Variants in PLCB2 observed in about 807,000 individuals in gnomAD.
The protein encoded by PLCB2 is 1-phosphatidylinositol 4,5-bisphosphate phosphodiesterase beta-2.
Under a neutral mutation model 141.7 loss-of-function variants are expected in PLCB2, and 115 were observed. The observed-to-expected ratio is 0.81, with a 90% confidence interval of 0.70 to 0.95. The LOEUF (loss-of-function observed/expected upper bound fraction) is 0.95. PLCB2 is among the 40% of genes least tolerant of loss of function. The pLI, the probability that PLCB2 is intolerant of heterozygous loss-of-function variation, is 0.00. For missense variants in PLCB2, 1,403 were observed against 1,541.1 expected (o/e 0.91, Z 1.50); for synonymous variants, 603 against 595.6 (o/e 1.01, Z -0.18).
rs1036119882 is a variant in PLCB2 at position 40,306,084 on chromosome 15, G to A, written c.84+1505C>T. 2.7e-5 allele frequency among the ~76,000 whole-genome samples: 4 copies of A among 149,558 alleles called. No individual in the cohort carries two copies. In the South Asian group the frequency reaches 6.8e-4, roughly 25 times the overall value. ...CTTGCAGAGTTTCTTTCCATGGCCA[G>A]GGGGAGAGCTTCTCCTACCAAATAT... On this transcript the variant is annotated intron_variant, in intron 1 of 31. Transcript: ENST00000260402.
At position 40,295,003 on chromosome 15, in the gene PLCB2, G is replaced by A; in HGVS notation, c.1839C>T (p.Ser613=). The change falls in exon 18 of 32, where the codon TCC becomes TCT. Residue 613 remains serine, a synonymous_variant. Coordinates refer to ENST00000260402, the MANE Select transcript of PLCB2 (RefSeq NM_004573.3). ...IYPKGTRMDS[S]NYMPQMFWNA... ...TCCAGAACATCTGGGGCATGTAGTT[G>A]GAGGAGTCCATGCGGGTTCCCTTGG... 2 of 1,614,034 alleles carry A rather than the reference G, an allele frequency of 1.2e-6. No homozygotes were observed. The highest frequency in any genetic ancestry group is 1.7e-6 in the Non-Finnish European group (2 of 1,179,934).
chr15:40,289,654 C>T, intron 30 of PLCB2: 1 of 518,994 alleles, frequency 1.9e-6, no homozygotes. Flanking sequence ...GTCCATTATT[C>T]CTTGGCACCT....
chr15:40,306,781 C>G (rs2040817759), intron 1 of PLCB2, among the ~76,000 whole-genome samples: 1 of 152,240 alleles, frequency 6.6e-6, no homozygotes, highest in Non-Finnish European at 1.5e-5. Context: ...GCCCAGCACT[C>G]TAACTCTCAG....
intron 31 of PLCB2, 159 bp from the exon 32 acceptor site, chr15:40,289,077 A>T: frequency 1.7e-6 from 2 of 1,188,382 alleles, no homozygotes; most frequent in Non-Finnish European, 2.3e-6. Context: ...GCCCATCAGG[A>T]GCCTCTCAGG....
Position 40,307,720 on chromosome 15 carries a change from A to G in PLCB2, c.-48T>C. ...AGAATCTCAGCAGACACAGGCAGGC[A>G]GAAGGGCAGGAAGGAGGCCAGCCAG... On this transcript the variant is annotated 5_prime_UTR_variant, in exon 1 of 32. Transcript: ENST00000260402. 6.6e-7 allele frequency: 1 copy of G among 1,513,102 alleles called. No homozygotes were observed. The highest frequency in any genetic ancestry group is 8.9e-7 in the Non-Finnish European group (1 of 1,118,358). 93.7% of individuals were successfully genotyped at this position (1,513,102 alleles called of 1,614,324 possible). A position where few individuals can be genotyped will look rare whatever the true frequency, so the allele number is the denominator to read the frequency against.
At chr15:40,286,051 A>T (rs1265011248), downstream of PLCB2, 15 of 985,184 alleles carry the variant, frequency 1.5e-5, no homozygotes, top group Non-Finnish European at 1.8e-5. Context: ...CTTTGCTCTG[A>T]CTTCTCTATG....
Position 40,297,861 on chromosome 15 carries a change from G to GGGC in PLCB2, c.1238+13_1238+15dup. On this transcript the variant is annotated intron_variant, in intron 12 of 31. Transcript: ENST00000260402. This position sits in a 1 kb window ranked among gnomAD's most constrained non-coding sequence, Gnocchi z 4.2. ...GGGCTGGGTGAGAATGTGGCTGAAT[G>GGGC]GGCCTGGATACGCACGAGTCCACAT... 6.2e-7 allele frequency: 1 copy of GGGC among 1,602,716 alleles called. No individual in the cohort carries two copies. Among genetic ancestry groups the GGGC allele is most frequent in the Non-Finnish European group, 8.5e-7 (1 of 1,169,872 alleles).
At chr15:40,292,882 C>T in intron 21 of PLCB2, 44 bp downstream of exon 21, 1 of 1,306,066 alleles carries the variant, frequency 7.7e-7, no homozygotes, top group African/African-American at 1.5e-5. Context: ...TGTGCACAGG[C>T]TCCTGCTGCT....
Position 40,290,053 on chromosome 15 carries a change from A to T in PLCB2, c.3239T>A (p.Ile1080Asn), listed in dbSNP as rs2039803419. 2 of 1,609,744 alleles carry T rather than the reference A, an allele frequency of 1.2e-6. No individual in the cohort carries two copies. Among genetic ancestry groups the T allele is most frequent in the South Asian group, 1.1e-5 (1 of 90,976 alleles). The change falls in exon 30 of 32, where the codon ATC becomes AAC. Residue 1080 changes from isoleucine to asparagine, a missense_variant. Coordinates refer to ENST00000260402, the MANE Select transcript of PLCB2 (RefSeq NM_004573.3). Reference sequence around the variant, plus strand: ...CTTGATCACCTGCACTACTTCCTGGATGTGGGAGTTGTTAATCTCTCTCTT... The same window carrying T: ...CTTGATCACCTGCACTACTTCCTGGTTGTGGGAGTTGTTAATCTCTCTCTT... ...RLKREINNSH[I>N]QEVVQVIKQM... is the part of the protein sequence containing the mutation.
At chr15:40,291,975 G>A (rs1323423059) in intron 23 of PLCB2, 51 bp from the exon 24 acceptor site, 106 of 1,606,766 alleles carry the variant, frequency 6.6e-5, no homozygotes, top group Non-Finnish European at 8.8e-5. Flanking sequence ...CTCTCTCCCC[G>A]AGCCTGGGAC....
In PLCB2 at chr15:40,298,656, G is replaced by T. The variant is rs753461920; in HGVS notation, c.903C>A (p.Ser301Arg). 1.9e-6 allele frequency: 3 copies of T among 1,614,106 alleles called. No individual in the cohort carries two copies. The highest frequency in any genetic ancestry group is 2.5e-6 in the Non-Finnish European group (3 of 1,179,956). The change falls in exon 10 of 32, where the codon AGC becomes AGA. Residue 301 changes from serine to arginine, a missense_variant. Ser to Arg is a moderately radical substitution (Grantham distance 110). Coordinates refer to ENST00000260402, the MANE Select transcript of PLCB2 (RefSeq NM_004573.3). ...GCAGCAGCTTGTCCTGGGCCAGCACGCTGTTCTCTGGCCCACAGAGAAACC... is the reference window on the plus strand; with the variant it reads ...GCAGCAGCTTGTCCTGGGCCAGCACTCTGTTCTCTGGCCCACAGAGAAACC... Reference protein sequence around the residue: ...MVWFLCGPENSVLAQDKLLLH... With the variant: ...MVWFLCGPENRVLAQDKLLLH...
At chr15:40,287,037 C>A (rs1286239310), downstream of PLCB2, among the ~76,000 whole-genome samples, 1 of 152,230 alleles carries the variant, frequency 6.6e-6, no homozygotes, top group African/African-American at 2.4e-5. Context: ...CTTACGTGCA[C>A]ATGCCTGGGT....
Position 40,292,361 on chromosome 15 carries a change from G to A in PLCB2, c.2409C>T (p.Asp803=). The A allele has an allele frequency of 1.2e-6, 2 of 1,613,142 alleles. No individual in the cohort carries two copies. Among genetic ancestry groups the A allele is most frequent in the Non-Finnish European group, 8.5e-7 (1 of 1,179,260 alleles). ...PALFIFLEMK[D]YIPGAWADLT... is the part of the protein sequence containing the mutation. The stretch of plus-strand genomic sequence containing the variant: ...TACCTGCCCAAGCACCAGGTATGTA[G>A]TCCTTCATCTCCAGGAAGATGAAGA... Residue 803 remains aspartate (D), a synonymous_variant, in exon 22 of 32, where the codon GAC becomes GAT. Coordinates refer to ENST00000260402, the MANE Select transcript of PLCB2 (RefSeq NM_004573.3).
At chr15:40,302,833 G>C (rs868768874) in intron 3 of PLCB2, among the ~76,000 whole-genome samples, 1 of 152,216 alleles carries the variant, frequency 6.6e-6, no homozygotes, top group Non-Finnish European at 1.5e-5. Flanking sequence ...GCGGGCAGGC[G>C]GGGAGGCCGG....
In PLCB2 at chr15:40,297,416, G is replaced by A; in HGVS notation, c.1323+105C>T. The A allele has an allele frequency of 1.2e-6, 1 of 863,070 alleles. No homozygotes were observed. 53.5% of individuals were successfully genotyped at this position (863,070 alleles called of 1,614,324 possible). A position where few individuals can be genotyped will look rare whatever the true frequency, so the allele number is the denominator to read the frequency against. On this transcript the variant is annotated intron_variant, in intron 13 of 31. Coordinates refer to ENST00000260402, the MANE Select transcript of PLCB2 (RefSeq NM_004573.3). This position sits in a 1 kb window ranked among gnomAD's most constrained non-coding sequence, Gnocchi z 4.2. Reference sequence around the variant, plus strand: ...ATCCCAGACCCGCATCTAACCAAGTGAACCCTAGCATCCTCTGGGAGTGTC... The same window carrying A: ...ATCCCAGACCCGCATCTAACCAAGTAAACCCTAGCATCCTCTGGGAGTGTC...
chr15:40,293,506 T>C (rs2040040316), intron 20 of PLCB2, 54 bp downstream of exon 20: 2 of 1,553,918 alleles, frequency 1.3e-6, no homozygotes, highest in African/African-American at 1.4e-5. Context: ...CTCTTGTCTG[T>C]AAGTAGAGGC....
Position 40,302,292 on chromosome 15 carries a change from G to C in PLCB2, c.430C>G (p.Arg144Gly). ...VKHPLTANAS[R>G]STFLDKILVK... The stretch of plus-strand genomic sequence containing the variant: ...TACATCTTGTCCAGGAAGGTGCTGC[G>C]GGAGGCGTTGGCCGTCAGCGGATGT... Residue 144 changes from arginine (R) to glycine (G), a missense_variant, in exon 5 of 32, where the codon CGC (arginine) becomes GGC (glycine). By Grantham distance (125) the Arg-to-Gly change is moderately radical. This residue lies in a region of PLCB2 where 975 missense variants were observed against 1,141.1 expected (regional missense o/e 0.85). Coordinates refer to ENST00000260402, the MANE Select transcript of PLCB2 (RefSeq NM_004573.3). 1 of 1,614,138 alleles carries C rather than the reference G, an allele frequency of 6.2e-7. No individual in the cohort carries two copies. Among genetic ancestry groups the C allele is most frequent in the East Asian group, 2.2e-5 (1 of 44,870 alleles).
chr15:40,302,987 G>T (rs2040598460), intron 3 of PLCB2, among the ~76,000 whole-genome samples: 1 of 152,180 alleles, frequency 6.6e-6, no homozygotes. Context: ...CTAGTCCGGG[G>T]GTGGGGGTGT....
chr15:40,290,482 A>C lies in PLCB2; in HGVS notation c.3209+95T>G, dbSNP rs551461844. The C allele has an allele frequency of 5.3e-5, 48 of 906,974 alleles. No homozygotes were observed. In the East Asian group the frequency reaches 9.8e-4, roughly 19 times the overall value. The allele number at this position is 906,974 out of a possible 1,614,324, so 56.2% of individuals were successfully genotyped here. On this transcript the variant is annotated intron_variant, in intron 29 of 31. Coordinates refer to ENST00000260402, the MANE Select transcript of PLCB2 (RefSeq NM_004573.3). The stretch of plus-strand genomic sequence containing the variant: ...TTTTGGAGAGCCAGGGGACAGATGC[A>C]TCTTTGGGAAGTGAGTCAGGATCCA...
Sources: allele counts gnomAD v4.1 joint callset (sites outside exome capture counted in the v4.1 genomes callset), GRCh38; gene constraint gnomAD v4.1.1; regional missense constraint gnomAD v4.1.1; non-coding constraint Gnocchi (gnomAD v3.1); transcripts MANE v1.5; gene names NCBI Gene and HGNC (gene_info 2026-07-23, HGNC 2026-07-21).